CLMN: variants seen among roughly 807,000 people sequenced by gnomAD.
The protein encoded by CLMN is calmin.
A neutral mutation model predicts 92.7 loss-of-function variants in CLMN; 57 were observed. The ratio of observed to expected loss-of-function variants is 0.61; its 90% CI spans 0.50 to 0.77. CLMN has a LOEUF of 0.77. Ranked by LOEUF, CLMN falls within the 30% of genes least tolerant of loss-of-function variation. The probability of loss-of-function intolerance (pLI) is 0.00; values close to 1 mark genes in which losing one functional copy is unlikely to be tolerated. For missense variants in CLMN, 1,158 were observed against 1,237.5 expected, an observed-to-expected ratio of 0.94 and a Z score of 0.96; for synonymous variants, 466 against 470.6, an observed-to-expected ratio of 0.99 and a Z score of 0.13.
chr14:95,278,014 C>A (rs1450950237), intron 1 of CLMN, among the ~76,000 whole-genome samples: 2 of 152,202 alleles, frequency 1.3e-5, no homozygotes, highest in Admixed American at 6.5e-5. Context: ...GTGACCTTTG[C>A]CATTTACTGA....
At position 95,183,065 on chromosome 14, in the gene CLMN, C is replaced by T. The variant is rs1383608933; in HGVS notation, c.*8499G>A. 2.6e-5 allele frequency: 4 copies of T among 152,232 alleles called. No individual in the cohort carries two copies. The highest frequency in any genetic ancestry group is 4.4e-5 in the Non-Finnish European group (3 of 68,042). The allele number at this position is 152,232 out of a possible 1,614,324, so 9.4% of individuals were successfully genotyped here. ...TATTGAGATAAATAAAAACTACCTT[C>T]GTAACCTTTGGATTTTTAAACTTAG... On this transcript the variant is annotated 3_prime_UTR_variant, in exon 13 of 13. Transcript: ENST00000298912.
chr14:95,282,586 G>T (rs1182490131), intron 1 of CLMN, among the ~76,000 whole-genome samples: 1 of 152,220 alleles, frequency 6.6e-6, no homozygotes, highest in African/African-American at 2.4e-5. Context: ...GTATGCAGAG[G>T]CCAAACAAGC....
At chr14:95,213,482 G>A in intron 5 of CLMN, 73 bp from the exon 6 acceptor site, 2 of 1,434,726 alleles carry the variant, frequency 1.4e-6, no homozygotes, top group Non-Finnish European at 1.9e-6. Flanking sequence ...CTGGCGGGTG[G>A]CCATATGGAC....
intron 1 of CLMN, among the ~76,000 whole-genome samples, chr14:95,249,901 T>A (rs1480104427): frequency 6.6e-6 from 1 of 152,178 alleles, no homozygotes; most frequent in African/African-American, 2.4e-5. Flanking sequence ...TTCCCAGCCT[T>A]CTTGCACTCA....
At chr14:95,247,704 G>A (rs1167244836) in intron 1 of CLMN, among the ~76,000 whole-genome samples, 2 of 152,180 alleles carry the variant, frequency 1.3e-5, no homozygotes, top group Non-Finnish European at 2.9e-5. Flanking sequence ...CAACAATGTG[G>A]TCAATGGATC....
chr14:95,245,194 A>AAT (rs1326720445), intron 1 of CLMN, among the ~76,000 whole-genome samples: 711 of 35,446 alleles, frequency 0.02, 38 homozygotes, highest in Admixed American at 0.043. Flanking sequence ...ATATATATAT[A>AAT]ATATATATAT....
rs761929901 is a variant in CLMN, at chr14:95,203,566, C to A, written c.1783G>T (p.Ala595Ser). 6.2e-7 allele frequency: 1 copy of A among 1,614,212 alleles called. No individual in the cohort carries two copies. The highest frequency in any genetic ancestry group is 8.5e-7 in the Non-Finnish European group (1 of 1,180,042). Residue 595 changes from alanine to serine, a missense_variant, in exon 9 of 13, where the codon GCT (alanine) becomes TCT (serine). Ala to Ser is a moderately conservative substitution (Grantham distance 99, BLOSUM62 1). Transcript: ENST00000298912. ...SPHETKPDED[A>S]EAFENHAEKL... ...TCAGCATGATTCTCAAAAGCCTCAG[C>A]ATCCTCGTCAGGTTTTGTCTCATGA...
chr14:95,255,941 A>G (rs2140688024), intron 1 of CLMN, among the ~76,000 whole-genome samples: 1 of 152,324 alleles, frequency 6.6e-6, no homozygotes. Context: ...CAGAACTGAC[A>G]GTACTAGTAT....
chr14:95,245,197 A>ATATATATATATAT (rs1898439719), intron 1 of CLMN, among the ~76,000 whole-genome samples: 1 of 33,314 alleles, frequency 3.0e-5, no homozygotes, highest in South Asian at 1.0e-3. Flanking sequence ...TATATATAAT[A>ATATATATATATAT]TATATATATA....
intron 9 of CLMN, among the ~76,000 whole-genome samples, chr14:95,200,641 C>T (rs928436089): frequency 3.3e-5 from 5 of 152,190 alleles, no homozygotes; most frequent in African/African-American, 1.2e-4. Context: ...CCAGGCACCC[C>T]CCTTCACTGA....
intron 2 of CLMN, among the ~76,000 whole-genome samples, chr14:95,228,617 T>A (rs1197531268): frequency 2.0e-5 from 3 of 152,274 alleles, no homozygotes; most frequent in Non-Finnish European, 4.4e-5. Flanking sequence ...TTCAGTGATT[T>A]CTTCTAAGAA....
intron 4 of CLMN, among the ~76,000 whole-genome samples, chr14:95,218,967 G>T (rs551052625): frequency 1.6e-4 from 25 of 152,238 alleles, no homozygotes; most frequent in Admixed American, 6.5e-4. Context: ...GTCCTTCCCC[G>T]ACTCAGCTGT....
intron 4 of CLMN, among the ~76,000 whole-genome samples, chr14:95,218,644 C>T (rs1897429024): frequency 6.6e-6 from 1 of 152,230 alleles, no homozygotes; most frequent in African/African-American, 2.4e-5. Flanking sequence ...GGGAATGGGA[C>T]AGAGTCTGCA....
At chr14:95,228,995 G>T (rs1234464710) in intron 2 of CLMN, among the ~76,000 whole-genome samples, 1 of 152,176 alleles carries the variant, frequency 6.6e-6, no homozygotes, top group East Asian at 1.9e-4. Flanking sequence ...CTTTTAAGAG[G>T]AGAAGAGAGA....
chr14:95,245,745 T>C (rs983422572), intron 1 of CLMN, among the ~76,000 whole-genome samples: 2 of 150,014 alleles, frequency 1.3e-5, no homozygotes, highest in Admixed American at 1.3e-4. Flanking sequence ...AATGGATGGG[T>C]GGATGGATGG....
rs753177646 is a variant in CLMN at position 95,185,335 on chromosome 14, C to G, written c.*6229G>C. 1.3e-5 allele frequency: 2 copies of G among 152,222 alleles called. No individual in the cohort carries two copies. The highest frequency in any genetic ancestry group is 4.8e-5 in the African/African-American group (2 of 41,424). The allele number at this position is 152,222 out of a possible 1,614,324, so 9.4% of individuals were successfully genotyped here. ...TTGTGTCTCATGTTTGGTTCTCCCA[C>G]GCTGGCTGTTAGGGGAAAAGAGCCA... On this transcript the variant is annotated 3_prime_UTR_variant, in exon 13 of 13. Transcript: ENST00000298912.
At chr14:95,207,179 G>T (rs1229981698) in intron 8 of CLMN, among the ~76,000 whole-genome samples, 1 of 152,122 alleles carries the variant, frequency 6.6e-6, no homozygotes, top group Non-Finnish European at 1.5e-5. Flanking sequence ...TCAAATCTGA[G>T]AAATCAATAT....
At chr14:95,195,028 T>C (rs1896664855) in intron 10 of CLMN, among the ~76,000 whole-genome samples, 1 of 152,198 alleles carries the variant, frequency 6.6e-6, no homozygotes, top group Admixed American at 6.5e-5. Context: ...GTGGGAATGC[T>C]TGCCTCGCAC....
At chr14:95,272,399 G>C (rs1899746511) in intron 1 of CLMN, among the ~76,000 whole-genome samples, 2 of 152,188 alleles carry the variant, frequency 1.3e-5, no homozygotes, top group Non-Finnish European at 2.9e-5. Flanking sequence ...AATGGGGTGG[G>C]AGAGAAGTTC....
Sources: gnomAD v4.1 joint callset for allele counts (sites outside exome capture counted in the v4.1 genomes callset) on GRCh38, gnomAD v4.1.1 for gene constraint, MANE v1.5 for transcripts, NCBI Gene and HGNC (gene_info 2026-07-23, HGNC 2026-07-21) for gene names.